The following TMEM108 variants were observed in gnomAD, a reference collection of about 807,000 sequenced individuals.
TMEM108 encodes the protein cancer/testis antigen 124.
TMEM108 carries 12 observed loss-of-function variants against 35.1 expected under a neutral mutation model. The ratio of observed to expected loss-of-function variants is 0.34; its 90% CI spans 0.22 to 0.55. The LOEUF (loss-of-function observed/expected upper bound fraction) is 0.55, where lower values mean the gene tolerates loss of function less well. Among genes scored for constraint, TMEM108 ranks in the 20% least tolerant of loss-of-function variants. The pLI is 0.89. For missense variants in TMEM108, 680 were observed against 753.3 expected, an observed-to-expected ratio of 0.90 and a Z score of 1.14; for synonymous variants, 287 against 308.6, an observed-to-expected ratio of 0.93 and a Z score of 0.73.
At chr3:133,163,687 CTA>C (rs1944994097) in intron 2 of TMEM108, among the ~76,000 whole-genome samples, 1 of 152,134 alleles carries the variant, frequency 6.6e-6, no homozygotes, top group African/African-American at 2.4e-5. Context: ...GCCTTGAAGA[CTA>C]TGGAGAGAGG....
At chr3:133,257,340 G>A (rs921903566) in intron 3 of TMEM108, among the ~76,000 whole-genome samples, 2 of 152,330 alleles carry the variant, frequency 1.3e-5, no homozygotes, top group Middle Eastern at 3.4e-3. Context: ...CTATGTTGCT[G>A]TGGACAGATT....
intron 2 of TMEM108, among the ~76,000 whole-genome samples, chr3:133,077,517 C>T (rs1174764618): frequency 1.3e-5 from 2 of 152,146 alleles, no homozygotes; most frequent in Admixed American, 1.3e-4. Flanking sequence ...GCTCTCCCCA[C>T]TTTGTTCTTG....
At chr3:133,323,263 G>T (rs985539074) in intron 3 of TMEM108, among the ~76,000 whole-genome samples, 4 of 151,876 alleles carry the variant, frequency 2.6e-5, no homozygotes, top group African/African-American at 4.8e-5. Context: ...CATCCAAAAA[G>T]ATTCATCCAA....
intron 3 of TMEM108, among the ~76,000 whole-genome samples, chr3:133,341,045 G>A (rs1474139743): frequency 1.3e-5 from 2 of 151,684 alleles, no homozygotes; most frequent in Non-Finnish European, 3.0e-5. Context: ...CAACATAGCA[G>A]TGGAAGTCCT....
chr3:133,093,965 G>A (rs968013531), intron 2 of TMEM108, among the ~76,000 whole-genome samples: 3 of 152,144 alleles, frequency 2.0e-5, no homozygotes, highest in Non-Finnish European at 4.4e-5. Context: ...TGACAGTTAG[G>A]TGTGTTGACA....
intron 3 of TMEM108, among the ~76,000 whole-genome samples, chr3:133,288,970 A>C (rs1166166959): frequency 6.6e-6 from 1 of 152,114 alleles, no homozygotes; most frequent in Non-Finnish European, 1.5e-5. Context: ...TCCTGACCTC[A>C]AGTGATCTGC....
At chr3:133,135,858 G>A (rs1176838253) in intron 2 of TMEM108, among the ~76,000 whole-genome samples, 1 of 152,192 alleles carries the variant, frequency 6.6e-6, no homozygotes, top group East Asian at 1.9e-4. Context: ...TTGTTTGGGA[G>A]TGGAGGGAGG....
At chr3:133,271,325 G>A (rs1946768438) in intron 3 of TMEM108, among the ~76,000 whole-genome samples, 1 of 152,130 alleles carries the variant, frequency 6.6e-6, no homozygotes, top group Admixed American at 6.5e-5. Flanking sequence ...TGCGGAGTTG[G>A]AAACAACCAC....
chr3:133,094,069 G>A (rs1559830263), intron 2 of TMEM108, among the ~76,000 whole-genome samples: 2 of 152,124 alleles, frequency 1.3e-5, no homozygotes, highest in Non-Finnish European at 2.9e-5. Flanking sequence ...TAATATTATA[G>A]CCAAAGTTTC....
At chr3:133,132,960 C>G (rs544496343) in intron 2 of TMEM108, among the ~76,000 whole-genome samples, 54 of 152,224 alleles carry the variant, frequency 3.5e-4, no homozygotes, top group Admixed American at 3.5e-3. Flanking sequence ...AGCAGGAAAA[C>G]TGGAATTAAA....
At chr3:133,193,512 T>C (rs1017025380) in intron 2 of TMEM108, among the ~76,000 whole-genome samples, 21 of 152,138 alleles carry the variant, frequency 1.4e-4, no homozygotes, top group Non-Finnish European at 1.5e-5. Flanking sequence ...GAATCATGGC[T>C]CTGCTTTATG....
intron 3 of TMEM108, among the ~76,000 whole-genome samples, chr3:133,316,930 G>A (rs3849406): frequency 0.34 from 51,497 of 152,114 alleles, 9,096 homozygotes; most frequent in East Asian, 0.48. Flanking sequence ...GCCCAGGGAA[G>A]TCAAACTGTG....
chr3:133,147,249 T>C (rs750516324), intron 2 of TMEM108, among the ~76,000 whole-genome samples: 2 of 152,210 alleles, frequency 1.3e-5, no homozygotes, highest in Non-Finnish European at 2.9e-5. Context: ...AGGTTTTCAG[T>C]TTCCATGTAG....
At chr3:133,245,539 G>A (rs906443415) in intron 3 of TMEM108, among the ~76,000 whole-genome samples, 1 of 152,176 alleles carries the variant, frequency 6.6e-6, no homozygotes, top group Non-Finnish European at 1.5e-5. Flanking sequence ...GTTCTGCACA[G>A]CACTTGAAAT....
chr3:133,202,467 G>T (rs866010885), intron 2 of TMEM108, among the ~76,000 whole-genome samples: 24 of 152,122 alleles, frequency 1.6e-4, no homozygotes, highest in Non-Finnish European at 3.2e-4. Flanking sequence ...GTTAATTTTT[G>T]TATACGGTGT....
intron 3 of TMEM108, among the ~76,000 whole-genome samples, chr3:133,315,724 G>A (rs1343240817): frequency 5.3e-5 from 8 of 152,258 alleles, no homozygotes; most frequent in South Asian, 2.1e-4. Flanking sequence ...CGAAGTAGCC[G>A]AGAGATGGAT....
chr3:133,129,253 G>T (rs1162699471), intron 2 of TMEM108, among the ~76,000 whole-genome samples: 1 of 151,526 alleles, frequency 6.6e-6, no homozygotes, highest in African/African-American at 2.4e-5. Context: ...TGAGGCACAA[G>T]AATCGCTTCA....
At chr3:133,299,565 C>G (rs979933311) in intron 3 of TMEM108, among the ~76,000 whole-genome samples, 2 of 152,172 alleles carry the variant, frequency 1.3e-5, no homozygotes, top group African/African-American at 4.8e-5. Flanking sequence ...ATGCCCTCAT[C>G]ATGCTTAAGG....
At chr3:133,384,919 C>T (rs2073108317) in intron 4 of TMEM108, among the ~76,000 whole-genome samples, 1 of 152,208 alleles carries the variant, frequency 6.6e-6, no homozygotes, top group South Asian at 2.1e-4. Context: ...CTCAAGTTCA[C>T]CCTGGCCAAA....
Sources: gnomAD v4.1 joint callset for allele counts (sites outside exome capture counted in the v4.1 genomes callset) on GRCh38, gnomAD v4.1.1 for gene constraint, MANE v1.5 for transcripts, NCBI Gene and HGNC (gene_info 2026-07-23, HGNC 2026-07-21) for gene names.